The following FAT2 variants were observed in gnomAD, a reference collection of about 807,000 sequenced individuals.
FAT2 encodes the protein protocadherin Fat 2.
Under a neutral mutation model 295.3 loss-of-function variants are expected in FAT2, and 150 were observed. The ratio of observed to expected loss-of-function variants is 0.51; its 90% CI spans 0.44 to 0.58. The LOEUF (loss-of-function observed/expected upper bound fraction) is 0.58. FAT2 is among the 20% of genes least tolerant of loss of function. The pLI is 0.00. For missense variants in FAT2, 4,868 were observed against 5,442.7 expected, an observed-to-expected ratio of 0.89 and a Z score of 3.32; for synonymous variants, 2,026 against 2,150.3, an observed-to-expected ratio of 0.94 and a Z score of 1.60.
intron 16 of FAT2, among the ~76,000 whole-genome samples, chr5:151,527,610 T>C (rs1192719075): frequency 6.6e-6 from 1 of 152,140 alleles, no homozygotes; most frequent in African/African-American, 2.4e-5. Context: ...TGAATGAATT[T>C]ATGTGAGGAT....
At chr5:151,507,922 C>T (rs1761025250) in intron 22 of FAT2, among the ~76,000 whole-genome samples, 1 of 152,200 alleles carries the variant, frequency 6.6e-6, no homozygotes, top group South Asian at 2.1e-4. Context: ...CATATCACTG[C>T]AGTAGAGACA....
At chr5:151,574,740 TAG>T (rs753110512) in intron 1 of FAT2, among the ~76,000 whole-genome samples, 3 of 152,196 alleles carry the variant, frequency 2.0e-5, no homozygotes, top group Non-Finnish European at 4.4e-5. Flanking sequence ...TCACTGAGGG[TAG>T]AGAGACTTAA....
rs370174379 is a variant in FAT2 at position 151,584,740 on chromosome 5, C to G, written c.-21+6425G>C. On this transcript the variant is annotated intron_variant, in intron 1 of 23. Transcript: ENST00000261800. ...TGAAAAAACTGAGGGTCAGAAAGGCCACGTGCCTTGTCCAAGGTCAATGGC... is the reference window on the plus strand; with the variant it reads ...TGAAAAAACTGAGGGTCAGAAAGGCGACGTGCCTTGTCCAAGGTCAATGGC... Among the ~76,000 whole-genome samples the G allele has an allele frequency of 1.1e-3, 163 of 152,292 alleles. 1 individual carries two copies. The highest frequency in any genetic ancestry group is 3.8e-3 in the African/African-American group (158 of 41,554).
intron 2 of FAT2, among the ~76,000 whole-genome samples, chr5:151,565,037 T>C (rs914242052): frequency 1.2e-4 from 18 of 152,266 alleles, no homozygotes; most frequent in African/African-American, 4.3e-4. Context: ...ATCGAACCAC[T>C]TCACTCCAGC....
chr5:151,513,491 G>A (rs1489985246), intron 20 of FAT2, among the ~76,000 whole-genome samples: 1 of 152,168 alleles, frequency 6.6e-6, no homozygotes, highest in East Asian at 1.9e-4. Context: ...ACTAACACAG[G>A]AACAGGAAAT....
chr5:151,591,112 G>C (rs1759386446), intron 1 of FAT2, among the ~76,000 whole-genome samples, 53 bp downstream of exon 1: 1 of 152,188 alleles, frequency 6.6e-6, no homozygotes, highest in South Asian at 2.1e-4. Context: ...CTCAAGAATG[G>C]ATTAACTTTG....
chr5:151,537,313 A>AG lies in FAT2; in HGVS notation c.9193+479_9193+480insC, dbSNP rs1755474341. On this transcript the variant is annotated intron_variant, in intron 12 of 23. Coordinates refer to ENST00000261800, the MANE Select transcript of FAT2 (RefSeq NM_001447.3). ...GAGGAGGAGGGAGAGAGGGAAGAAA[A>AG]AGAAAGAGAAAAAAAGAAAGAAAAG... Among the ~76,000 whole-genome samples, 4 of 48,938 alleles carry AG rather than the reference A, an allele frequency of 8.2e-5. 1 individual carries two copies. The South Asian group carries it at 7.3e-3, about 89-fold the overall frequency. 32.1% of individuals were successfully genotyped at this position (48,938 alleles called of 152,430 possible). A position where few individuals can be genotyped will look rare whatever the true frequency, so the allele number is the denominator to read the frequency against.
intron 19 of FAT2, among the ~76,000 whole-genome samples, chr5:151,518,044 A>G (rs1394129110): frequency 6.6e-6 from 1 of 152,070 alleles, no homozygotes; most frequent in East Asian, 1.9e-4. Flanking sequence ...AAGAAAGCAA[A>G]AGTCATCCAG....
chr5:151,532,183 C>A (rs1754706920), intron 13 of FAT2, among the ~76,000 whole-genome samples: 1 of 152,170 alleles, frequency 6.6e-6, no homozygotes, highest in African/African-American at 2.4e-5. Context: ...TTGGGGGAAC[C>A]TAATCTGCAA....
At chr5:151,537,671 A>G (rs1755593447) in intron 12 of FAT2, 122 bp downstream of exon 12, 1 of 959,228 alleles carries the variant, frequency 1.0e-6, no homozygotes. Context: ...CATAGGGCCA[A>G]TATATGTTTG....
intron 9 of FAT2, 107 bp from the exon 10 acceptor site, chr5:151,546,444 A>G: frequency 1.4e-6 from 1 of 734,646 alleles, no homozygotes; most frequent in Non-Finnish European, 2.2e-6. Flanking sequence ...ACAGAGCAAA[A>G]TCTGCATATA....
Position 151,556,947 on chromosome 5 carries a change from GGAA to G in FAT2, c.3575-548_3575-546del, listed in dbSNP as rs1757752312. 2.6e-5 allele frequency among the ~76,000 whole-genome samples: 4 copies of G among 152,158 alleles called. No homozygotes were observed. In the South Asian group the frequency reaches 6.2e-4, roughly 24 times the overall value. On this transcript the variant is annotated intron_variant, in intron 3 of 23. Transcript: ENST00000261800. Reference sequence around the variant, plus strand: ...AATGAAACTCGGGGGAAAGCAAGGGGGAAGTGAGGAGCTGGGAGAGAACAGCAG... The same window carrying G: ...AATGAAACTCGGGGGAAAGCAAGGGGGTGAGGAGCTGGGAGAGAACAGCAG...
At chr5:151,571,509 C>T (rs546651665) in intron 1 of FAT2, among the ~76,000 whole-genome samples, 69 of 152,300 alleles carry the variant, frequency 4.5e-4, no homozygotes, top group African/African-American at 1.6e-3. Context: ...ATGCAGGCGC[C>T]GTTAAGATGA....
intron 10 of FAT2, among the ~76,000 whole-genome samples, chr5:151,541,606 T>A (rs561401827): frequency 6.6e-6 from 1 of 151,922 alleles, no homozygotes; most frequent in East Asian, 1.9e-4. Flanking sequence ...GCCACAGGAG[T>A]GAAGAAACTC....
In FAT2 at chr5:151,528,013, C is replaced by T. The variant is rs1294468133; in HGVS notation, c.10147G>A (p.Ala3383Thr). 6.2e-7 allele frequency: 1 copy of T among 1,614,150 alleles called. No individual in the cohort carries two copies. The highest frequency in any genetic ancestry group is 8.5e-7 in the Non-Finnish European group (1 of 1,180,026). ...TGACTCACCTGTTCCCGGTCCAGGG[C>T]CTTGGCCACCTGTAGCTCCCCCTTT... The part of the protein sequence containing the change: ...PKKGELQVAK[A>T]LDREQASSYS... The change falls in exon 16 of 24, where the codon GCC (alanine) becomes ACC (threonine). Residue 3383 changes from alanine (A) to threonine (T), a missense_variant. Physicochemically the swap from Ala to Thr is moderately conservative, Grantham distance 58 (BLOSUM62 0). Transcript: ENST00000261800.
chr5:151,542,677 A>G lies in FAT2; in HGVS notation c.8450T>C (p.Ile2817Thr). The change falls in exon 10 of 24, where the codon ATT becomes ACT. Residue 2817 changes from isoleucine to threonine, a missense_variant. By Grantham distance (89) the Ile-to-Thr change is moderately conservative (BLOSUM62 -1). This residue lies in a region of FAT2 where 3,297 missense variants were observed against 3,669.4 expected (regional missense o/e 0.90). Transcript: ENST00000261800. ...GTCCTTGTCAATGGCAGTCACTTGA[A>G]TGACTGAGGTCCCCACTGGCATATT... ...TENMPVGTSV[I>T]QVTAIDKDTG... 1 of 1,614,220 alleles carries G rather than the reference A, an allele frequency of 6.2e-7. No homozygotes were observed. Among genetic ancestry groups the G allele is most frequent in the Non-Finnish European group, 8.5e-7 (1 of 1,180,036 alleles).
At position 151,563,649 on chromosome 5, in the gene FAT2, G is replaced by T. The variant is rs202226526; in HGVS notation, c.3260-10C>A. ...AGAGTCTGAATCATTCCTAGGGACAGTAAGTCAGCAAACCCAAAATACTTT... is the reference window on the plus strand; with the variant it reads ...AGAGTCTGAATCATTCCTAGGGACATTAAGTCAGCAAACCCAAAATACTTT... On this transcript the variant is annotated splice_polypyrimidine_tract_variant and intron_variant, in intron 2 of 23. Transcript: ENST00000261800. 1 of 1,607,832 alleles carries T rather than the reference G, an allele frequency of 6.2e-7. No individual in the cohort carries two copies. Among genetic ancestry groups the T allele is most frequent in the Non-Finnish European group, 8.5e-7 (1 of 1,178,334 alleles).
chr5:151,562,662 T>C (rs1366651978), intron 3 of FAT2, among the ~76,000 whole-genome samples: 1 of 152,236 alleles, frequency 6.6e-6, no homozygotes, highest in Admixed American at 6.5e-5. Context: ...TGGAATGTTT[T>C]GTGGAATTTT....
rs771618590 is a variant in FAT2 at position 151,567,155 on chromosome 5, C to T, written c.1777G>A (p.Glu593Lys). 6.2e-6 allele frequency: 10 copies of T among 1,614,096 alleles called. No individual in the cohort carries two copies. The highest frequency in any genetic ancestry group is 5.9e-6 in the Non-Finnish European group (7 of 1,180,046). ...IMTMSAIDVDELQNLKYEIVS... is the reference protein window; with the variant it reads ...IMTMSAIDVDKLQNLKYEIVS... Reference sequence around the variant, plus strand: ...ATCTCGTATTTTAGGTTCTGAAGCTCATCCACATCTATGGCTGACATAGTC... The same window carrying T: ...ATCTCGTATTTTAGGTTCTGAAGCTTATCCACATCTATGGCTGACATAGTC... The change falls in exon 2 of 24, where the codon GAG becomes AAG. Residue 593 changes from glutamate to lysine, a missense_variant. This residue lies in a region of FAT2 where 3,297 missense variants were observed against 3,669.4 expected (regional missense o/e 0.90). Transcript: ENST00000261800.
Sources: allele counts gnomAD v4.1 joint callset (sites outside exome capture counted in the v4.1 genomes callset), GRCh38; gene constraint gnomAD v4.1.1; regional missense constraint gnomAD v4.1.1; transcripts MANE v1.5; gene names NCBI Gene and HGNC (gene_info 2026-07-23, HGNC 2026-07-21).